TRPM3: variants seen among roughly 807,000 people sequenced by gnomAD.
The protein encoded by TRPM3 is long transient receptor potential channel 3.
TRPM3 carries 77 observed loss-of-function variants against 181.2 expected under a neutral mutation model. The observed-to-expected ratio is 0.42, with a 90% CI of 0.35 to 0.51. The LOEUF is 0.51. Ranked by LOEUF, TRPM3 falls within the 20% of genes least tolerant of loss-of-function variation. The probability of loss-of-function intolerance (pLI) is 0.01; values close to 1 mark genes in which losing one functional copy is unlikely to be tolerated. For missense variants in TRPM3, 1,759 were observed against 2,196.7 expected, an observed-to-expected ratio of 0.80 and a Z score of 3.98; for synonymous variants, 745 against 796.4, an observed-to-expected ratio of 0.94 and a Z score of 1.09.
chr9:71,082,155 C>T (rs2064465870), intron 1 of TRPM3, among the ~76,000 whole-genome samples: 1 of 152,128 alleles, frequency 6.6e-6, no homozygotes, highest in African/African-American at 2.4e-5. Flanking sequence ...TCTCAACTGA[C>T]CCCAGCGCCA....
At chr9:70,896,745 C>T (rs973901128) in intron 1 of TRPM3, among the ~76,000 whole-genome samples, 3 of 150,878 alleles carry the variant, frequency 2.0e-5, no homozygotes, top group African/African-American at 7.3e-5. Context: ...ACTCTTGGAT[C>T]GAATTAGGCA....
intron 11 of TRPM3, among the ~76,000 whole-genome samples, chr9:70,637,918 C>T (rs1747082054): frequency 6.6e-6 from 1 of 152,080 alleles, no homozygotes. Flanking sequence ...TTCCAATGTA[C>T]TAGTATTAAG....
At chr9:70,793,750 AT>A in intron 6 of TRPM3, 1 of 428,488 alleles carries the variant, frequency 2.3e-6, no homozygotes, top group Non-Finnish European at 5.0e-6. Context: ...TCAACTTGCA[AT>A]TTTTCAACTT....
intron 1 of TRPM3, among the ~76,000 whole-genome samples, chr9:70,897,973 A>T (rs930981019): frequency 1.3e-5 from 2 of 152,040 alleles, no homozygotes; most frequent in Non-Finnish European, 2.9e-5. Context: ...ATTAACTCCA[A>T]TTTCTGGAGC....
chr9:70,657,580 A>G (rs1360018197), intron 9 of TRPM3, among the ~76,000 whole-genome samples: 1 of 152,170 alleles, frequency 6.6e-6, no homozygotes, highest in African/African-American at 2.4e-5. Context: ...AACAATTCCT[A>G]TGCCATTATT....
chr9:71,385,067 A>C lies in TRPM3; in HGVS notation c.183+61586T>G, dbSNP rs1483481026. On this transcript the variant is annotated intron_variant, in intron 1 of 24. Transcript: ENST00000357533. ...TGATATCCTCCTTTAGCGAATGAAA[A>C]CACACTTATTACTAGATAAAGGAAA... Among the ~76,000 whole-genome samples the C allele has an allele frequency of 2.0e-5, 3 of 152,272 alleles. No individual in the cohort carries two copies. The East Asian group carries it at 5.8e-4, about 29-fold the overall frequency.
At position 70,843,093 on chromosome 9, in the gene TRPM3, A is replaced by T; in HGVS notation, c.711T>A (p.Asp237Glu). The T allele has an allele frequency of 6.2e-7, 1 of 1,612,854 alleles. No homozygotes were observed. The change falls in exon 5 of 26, where the codon GAT (aspartate) becomes GAA (glutamate). Residue 237 changes from aspartate to glutamate, a missense_variant. By Grantham distance (45) the Asp-to-Glu change is conservative (BLOSUM62 2). Around this residue, in one of 8 missense-constraint regions of TRPM3, gnomAD observed 737 missense variants for 957.4 expected, o/e 0.77. Coordinates refer to ENST00000677713, the MANE Select transcript of TRPM3 (RefSeq NM_001366145.2). ...TCTTTCCTCGAGACTTAGAGGCATG[A>T]TCCTTCAAGGCATCGCCAACATGAC... ...VIRHVGDALK[D>E]HASKSRGKIC...
intron 1 of TRPM3, among the ~76,000 whole-genome samples, chr9:71,037,718 C>T (rs1231265511): frequency 6.6e-6 from 1 of 152,194 alleles, no homozygotes; most frequent in Non-Finnish European, 1.5e-5. Flanking sequence ...GCACAGAAAC[C>T]ACTCAATGAA....
chr9:70,548,854 C>G (rs2045743855), intron 25 of TRPM3, among the ~76,000 whole-genome samples: 2 of 151,732 alleles, frequency 1.3e-5, no homozygotes, highest in South Asian at 4.2e-4. Context: ...TGTGCTCTCT[C>G]TCTCTCTCTC....
At chr9:71,253,384 G>A (rs892474999) in intron 1 of TRPM3, among the ~76,000 whole-genome samples, 12 of 152,126 alleles carry the variant, frequency 7.9e-5, no homozygotes, top group Middle Eastern at 3.2e-3. Context: ...GACATTTTTA[G>A]TTGTTGCAAG....
In TRPM3 at chr9:70,864,446, G is replaced by T; in HGVS notation, c.243C>A (p.Thr81=). 1 of 1,485,134 alleles carries T rather than the reference G, an allele frequency of 6.7e-7. No individual in the cohort carries two copies. Among genetic ancestry groups the T allele is most frequent in the Non-Finnish European group, 8.9e-7 (1 of 1,123,734 alleles). The allele number at this position is 1,485,134 out of a possible 1,614,324, so 92.0% of individuals were successfully genotyped here. The change falls in exon 2 of 26, where the codon ACC becomes ACA. Residue 81 remains threonine, a synonymous_variant. Coordinates refer to ENST00000677713, the MANE Select transcript of TRPM3 (RefSeq NM_001366145.2). Reference sequence around the variant, plus strand: ...AGCAAGATTACCTATGGGGGTCTTTGGTGCTGGGTATGATGTGGACACATT... The same window carrying T: ...AGCAAGATTACCTATGGGGGTCTTTTGTGCTGGGTATGATGTGGACACATT... The part of the protein sequence containing the change: ...KRECVHIIPS[T]KDPHRCCCGR...
At chr9:70,645,561 A>C (rs1469174197) in intron 9 of TRPM3, among the ~76,000 whole-genome samples, 1 of 152,162 alleles carries the variant, frequency 6.6e-6, no homozygotes, top group East Asian at 1.9e-4. Flanking sequence ...AATTAACTCA[A>C]GGTGGATTAA....
chr9:70,968,852 A>G (rs1001300760), intron 1 of TRPM3, among the ~76,000 whole-genome samples: 17 of 152,184 alleles, frequency 1.1e-4, no homozygotes, highest in Non-Finnish European at 1.9e-4. Flanking sequence ...ACCTTATACA[A>G]AAATCAACTC....
chr9:70,580,720 A>T (rs2153366), intron 22 of TRPM3, among the ~76,000 whole-genome samples: 151,726 of 152,340 alleles, frequency 1, 75,559 homozygotes, highest in Middle Eastern at 1. Context: ...AAACTCTTAA[A>T]ATCCTTTGTG....
At chr9:71,050,516 A>G (rs1176366497) in intron 1 of TRPM3, among the ~76,000 whole-genome samples, 1 of 152,198 alleles carries the variant, frequency 6.6e-6, no homozygotes, top group African/African-American at 2.4e-5. Flanking sequence ...TTACTGAACT[A>G]TATTTCATAA....
At chr9:71,009,045 T>C (rs1188883844) in intron 1 of TRPM3, among the ~76,000 whole-genome samples, 1 of 152,216 alleles carries the variant, frequency 6.6e-6, no homozygotes, top group African/African-American at 2.4e-5. Context: ...ATAAAAACTC[T>C]CAGCAAACTG....
At chr9:70,692,074 T>C (rs890429976) in intron 8 of TRPM3, among the ~76,000 whole-genome samples, 6 of 152,240 alleles carry the variant, frequency 3.9e-5, no homozygotes, top group South Asian at 2.1e-4. Flanking sequence ...GCTTTCTTTT[T>C]TCCCCCCTGC....
At chr9:70,961,982 C>A (rs900449008) in intron 1 of TRPM3, among the ~76,000 whole-genome samples, 3 of 151,736 alleles carry the variant, frequency 2.0e-5, no homozygotes, top group Non-Finnish European at 4.4e-5. Context: ...GATTACTGAT[C>A]AATAATAGAA....
At chr9:70,904,268 T>A (rs2096431041) in intron 1 of TRPM3, among the ~76,000 whole-genome samples, 1 of 152,140 alleles carries the variant, frequency 6.6e-6, no homozygotes, top group Admixed American at 6.6e-5. Context: ...TTTGGCAAAC[T>A]TGACTATCCA....
Sources: gnomAD v4.1 joint callset for allele counts (sites outside exome capture counted in the v4.1 genomes callset) on GRCh38, gnomAD v4.1.1 for gene constraint, gnomAD v4.1.1 regional missense constraint, MANE v1.5 for transcripts, NCBI Gene and HGNC (gene_info 2026-07-23, HGNC 2026-07-21) for gene names.